RREB1: variants seen among roughly 807,000 people sequenced by gnomAD.
RREB1 encodes ras-responsive element-binding protein 1.
Under a neutral mutation model 117.8 loss-of-function variants are expected in RREB1, and 27 were observed. That is an observed-to-expected ratio of 0.23 (90% CI 0.17 to 0.32). The LOEUF is 0.32. Ranked by LOEUF, RREB1 falls within the 10% of genes least tolerant of loss-of-function variation. The pLI, the probability that RREB1 is intolerant of heterozygous loss-of-function variation, is 1.00. For synonymous variants in RREB1, 1,298 were observed against 1,026.7 expected (o/e 1.26, Z -5.05); for missense variants, 2,577 against 2,378.2 (o/e 1.08, Z -1.74).
In RREB1 at chr6:7,227,318, G is replaced by A. The variant is rs574660296; in HGVS notation, c.897+662G>A. On this transcript the variant is annotated intron_variant, in intron 9 of 12. Transcript: ENST00000379938. Reference sequence around the variant, plus strand: ...AGAACTTTGGGAGGCCAAGGCAGTCGGATCATGAGGTCAGGAGTTCAAGAC... The same window carrying A: ...AGAACTTTGGGAGGCCAAGGCAGTCAGATCATGAGGTCAGGAGTTCAAGAC... Among the ~76,000 whole-genome samples, 5 of 151,724 alleles carry A rather than the reference G, an allele frequency of 3.3e-5. No homozygotes were observed. In the East Asian group the frequency reaches 7.8e-4, roughly 24 times the overall value.
At chr6:7,197,677 T>C (rs1358249666) in intron 6 of RREB1, among the ~76,000 whole-genome samples, 1 of 152,014 alleles carries the variant, frequency 6.6e-6, no homozygotes, top group African/African-American at 2.4e-5. Flanking sequence ...AAAAGAAGGG[T>C]GAAGATGAAG....
chr6:7,227,631 A>T (rs1211023875), intron 9 of RREB1, among the ~76,000 whole-genome samples: 1 of 152,128 alleles, frequency 6.6e-6, no homozygotes, highest in Non-Finnish European at 1.5e-5. Context: ...TGGGATTTTA[A>T]AAAAAAATCT....
chr6:7,190,803 A>T (rs150963075), intron 6 of RREB1, among the ~76,000 whole-genome samples: 1,571 of 152,254 alleles, frequency 0.01, 33 homozygotes, highest in African/African-American at 0.036. Context: ...TTTGTCCTTT[A>T]CATATTTGCC....
intron 1 of RREB1, among the ~76,000 whole-genome samples, chr6:7,120,044 G>T (rs967650652): frequency 1.3e-5 from 2 of 152,234 alleles, no homozygotes; most frequent in South Asian, 4.1e-4. Context: ...CAGGGTTTAC[G>T]AACAAGGTGT....
At chr6:7,170,150 T>C (rs1764141495) in intron 1 of RREB1, among the ~76,000 whole-genome samples, 1 of 152,204 alleles carries the variant, frequency 6.6e-6, no homozygotes, top group African/African-American at 2.4e-5. Context: ...TCTAATAAAA[T>C]GCTCCAGGTC....
At chr6:7,142,521 G>A (rs945418157) in intron 1 of RREB1, among the ~76,000 whole-genome samples, 2 of 152,254 alleles carry the variant, frequency 1.3e-5, no homozygotes, top group Non-Finnish European at 2.9e-5. Flanking sequence ...GGCTGTTCCG[G>A]TGGCTAAAGG....
chr6:7,247,160 C>T lies in RREB1; in HGVS notation c.4710C>T (p.Ser1570=), dbSNP rs1292744755. The T allele has an allele frequency of 1.2e-6, 2 of 1,613,792 alleles. No homozygotes were observed. Among genetic ancestry groups the T allele is most frequent in the African/African-American group, 1.3e-5 (1 of 74,924 alleles). The change falls in exon 12 of 13, where the codon AGC becomes AGT. Residue 1570 remains serine (S), a synonymous_variant. Coordinates refer to ENST00000379938, the MANE Select transcript of RREB1 (RefSeq NM_001003699.4). ...SKADKRKKVC[S]VCNKRFWSLQ... is the part of the protein sequence containing the mutation. ...CAGACAAGAGGAAGAAGGTCTGCAGCGTGTGCAACAAGCGGTTCTGGTCGC... is the reference window on the plus strand; with the variant it reads ...CAGACAAGAGGAAGAAGGTCTGCAGTGTGTGCAACAAGCGGTTCTGGTCGC...
chr6:7,229,005 C>T lies in RREB1; in HGVS notation c.906C>T (p.Cys302=), dbSNP rs775130340. 1.6e-5 allele frequency: 25 copies of T among 1,521,694 alleles called. No individual in the cohort carries two copies. The highest frequency in any genetic ancestry group is 2.3e-5 in the East Asian group (1 of 43,814). The allele number at this position is 1,521,694 out of a possible 1,614,324, so 94.3% of individuals were successfully genotyped here. Residue 302 remains cysteine, a synonymous_variant, in exon 10 of 13, where the codon TGC becomes TGT. Coordinates refer to ENST00000379938, the MANE Select transcript of RREB1 (RefSeq NM_001003699.4). The surrounding 1 kb of genome is among the most constrained non-coding windows in gnomAD (Gnocchi z 4.5). ...CGGTGGGTTCTATATAGGCCTGGTG[C>T]GAAACAAACCTGCGGAGGTGCATCA... is the stretch of plus-strand genomic sequence containing the variant. ...RKFPRISQAW[C]ETNLRRCISE...
At chr6:7,244,204 G>C (rs565513935) in intron 11 of RREB1, among the ~76,000 whole-genome samples, 21 of 151,818 alleles carry the variant, frequency 1.4e-4, no homozygotes, top group African/African-American at 5.1e-4. Flanking sequence ...CAGAGGTTAC[G>C]GTGAGCTGAG....
Position 7,232,763 on chromosome 6 carries a change from C to CTTTTTTT in RREB1, c.3808+868_3808+874dup, listed in dbSNP as rs59522749. On this transcript the variant is annotated intron_variant, in intron 10 of 12. Transcript: ENST00000379938. ...AAAAGTATCTTCCTTTTTTCTTTTTCTTTTTTTTTTTTTTTTTTAAATAAA... is the reference window on the plus strand; with the variant it reads ...AAAAGTATCTTCCTTTTTTCTTTTTCTTTTTTTTTTTTTTTTTTTTTTTTTAAATAAA... 2.2e-5 allele frequency among the ~76,000 whole-genome samples: 3 copies of CTTTTTTT among 136,974 alleles called. No homozygotes were observed. In the East Asian group the frequency reaches 6.2e-4, roughly 29 times the overall value. The allele number at this position is 136,974 out of a possible 152,430, so 89.9% of individuals were successfully genotyped here.
intron 6 of RREB1, among the ~76,000 whole-genome samples, chr6:7,191,828 T>C (rs926748776): frequency 1.3e-5 from 2 of 152,222 alleles, no homozygotes; most frequent in African/African-American, 4.8e-5. Flanking sequence ...TTATTCATTC[T>C]AGTAGTTACT....
intron 8 of RREB1, among the ~76,000 whole-genome samples, chr6:7,219,620 G>A (rs1767121963): frequency 6.6e-6 from 1 of 152,190 alleles, no homozygotes; most frequent in African/African-American, 2.4e-5. Flanking sequence ...AAGGGTCAGA[G>A]CCAGTATGCT....
At chr6:7,177,611 T>C (rs1764569341) in intron 2 of RREB1, among the ~76,000 whole-genome samples, 1 of 152,162 alleles carries the variant, frequency 6.6e-6, no homozygotes, top group African/African-American at 2.4e-5. Context: ...CATAGCTCAC[T>C]GCAGCTTTGA....
intron 6 of RREB1, among the ~76,000 whole-genome samples, chr6:7,203,429 C>T (rs1766096656): frequency 6.6e-6 from 1 of 152,174 alleles, no homozygotes; most frequent in Non-Finnish European, 1.5e-5. Context: ...AGTATCTGTA[C>T]CAAGAATGCA....
chr6:7,170,300 G>A (rs1217987685), intron 1 of RREB1, among the ~76,000 whole-genome samples: 3 of 152,160 alleles, frequency 2.0e-5, no homozygotes, highest in Non-Finnish European at 4.4e-5. Context: ...AGTTTCCAAG[G>A]CTGTAAGAGG....
rs554865872 is a variant in RREB1, at chr6:7,161,094, G to C, written c.-284-15561G>C. On this transcript the variant is annotated intron_variant, in intron 1 of 12. Coordinates refer to ENST00000379938, the MANE Select transcript of RREB1 (RefSeq NM_001003699.4). ...GATCCTCTCGCCTCGGCCTTGCAAA[G>C]TGCTGGGATTACAGGTGTGAGGCAC... 3.3e-5 allele frequency among the ~76,000 whole-genome samples: 5 copies of C among 152,240 alleles called. No homozygotes were observed. The South Asian group carries it at 1.0e-3, about 32-fold the overall frequency.
At chr6:7,194,665 C>T (rs1030526603) in intron 6 of RREB1, among the ~76,000 whole-genome samples, 1 of 152,186 alleles carries the variant, frequency 6.6e-6, no homozygotes, top group African/African-American at 2.4e-5. Context: ...CTTAGTTCTG[C>T]AGAACTTTGT....
chr6:7,136,611 A>G (rs930923180), intron 1 of RREB1, among the ~76,000 whole-genome samples: 1 of 152,206 alleles, frequency 6.6e-6, no homozygotes, highest in African/African-American at 2.4e-5. Context: ...ATGAATATAT[A>G]ATTAACTTAG....
intron 6 of RREB1, among the ~76,000 whole-genome samples, chr6:7,205,079 T>C (rs1561779673): frequency 2.6e-5 from 4 of 152,326 alleles, no homozygotes; most frequent in African/African-American, 9.6e-5. Flanking sequence ...AAAATGTCAG[T>C]GTCCTGGTCA....
Sources: gnomAD v4.1 joint callset for allele counts (sites outside exome capture counted in the v4.1 genomes callset) on GRCh38, gnomAD v4.1.1 for gene constraint, Gnocchi (gnomAD v3.1) non-coding constraint, MANE v1.5 for transcripts, NCBI Gene and HGNC (gene_info 2026-07-23, HGNC 2026-07-21) for gene names.